WNT5A: variants seen among roughly 807,000 people sequenced by gnomAD.
WNT5A encodes Wnt family member 5A.
In WNT5A, 9 loss-of-function variants were observed where a neutral mutation model predicts 42.1. The ratio of observed to expected loss-of-function variants is 0.21; its 90% confidence interval spans 0.13 to 0.37. WNT5A has a LOEUF of 0.37. Ranked by LOEUF, WNT5A falls within the 10% of genes least tolerant of loss-of-function variation. The pLI, the probability that WNT5A is intolerant of heterozygous loss-of-function variation, is 1.00. For synonymous variants in WNT5A, 210 were observed against 210.0 expected (o/e 1.00, Z 0.00); for missense variants, 426 against 534.0 (o/e 0.80, Z 1.99).
chr3:55,480,725 A>G (rs2051442310), intron 2 of WNT5A, 60 bp downstream of exon 2: 2 of 1,471,530 alleles, frequency 1.4e-6, no homozygotes, highest in Non-Finnish European at 1.8e-6. Flanking sequence ...GCCGCATCAT[A>G]CAAACAAATC....
chr3:55,483,714 C>T lies in WNT5A; in HGVS notation c.7-2796G>A, dbSNP rs552045690. The stretch of plus-strand genomic sequence containing the variant: ...GAGGTGGAGGAGGGCGTTCCCGCGT[C>T]CTCCTCTTCAATCCAGAGCAGCTCA... On this transcript the variant is annotated intron_variant, in intron 1 of 4. Coordinates refer to ENST00000264634, the MANE Select transcript of WNT5A (RefSeq NM_003392.7). The surrounding 1 kb of genome is among the most constrained non-coding windows in gnomAD (Gnocchi z 4.2). 4.9e-4 allele frequency among the ~76,000 whole-genome samples: 75 copies of T among 152,246 alleles called. No individual in the cohort carries two copies. Among genetic ancestry groups the T allele is most frequent in the Non-Finnish European group, 9.3e-4 (63 of 68,020 alleles).
At chr3:55,481,119 T>G (rs2051452411) in intron 1 of WNT5A, 1 of 693,702 alleles carries the variant, frequency 1.4e-6, no homozygotes, top group Non-Finnish European at 2.0e-6. Flanking sequence ...CCAGGAAATC[T>G]GATTTCGCTG....
intron 1 of WNT5A, among the ~76,000 whole-genome samples, chr3:55,485,366 G>C (rs929543664): frequency 6.6e-6 from 1 of 151,880 alleles, no homozygotes; most frequent in Non-Finnish European, 1.5e-5. Context: ...GCGCACGGGG[G>C]AGGGGAGGAG....
Position 55,474,548 on chromosome 3 carries a change from TCGCCCTCGCGGCA to T in WNT5A, c.460_472del (p.Cys154SerfsTer61). 1 of 1,537,514 alleles carries T rather than the reference TCGCCCTCGCGGCA, an allele frequency of 6.5e-7. No individual in the cohort carries two copies. Among genetic ancestry groups the T allele is most frequent in the Non-Finnish European group, 8.7e-7 (1 of 1,144,992 alleles). ...GCGGCTGCAGCCGCAGGTGGACAGC[TCGCCCTCGCGGCA>T]CGCCCGGCTCATGGCGTTCACCACC... On this transcript the variant is annotated frameshift_variant, in exon 4 of 5. Coordinates refer to ENST00000264634, the MANE Select transcript of WNT5A (RefSeq NM_003392.7). LOFTEE classifies it high-confidence loss of function.
rs1175507311 is a variant in WNT5A, at chr3:55,474,648, G to T, written c.392-19C>A. The T allele has an allele frequency of 3.1e-6, 4 of 1,287,726 alleles. No homozygotes were observed. The highest frequency in any genetic ancestry group is 3.9e-6 in the Non-Finnish European group (4 of 1,015,298). 79.8% of individuals were successfully genotyped at this position (1,287,726 alleles called of 1,614,324 possible). On this transcript the variant is annotated intron_variant, in intron 3 of 4. Coordinates refer to ENST00000264634, the MANE Select transcript of WNT5A (RefSeq NM_003392.7). ...CGGCTGCCTGTGGGTGAGGACAAGGGATCACTGGCCGCCTGCCTCACGCGC... is the reference window on the plus strand; with the variant it reads ...CGGCTGCCTGTGGGTGAGGACAAGGTATCACTGGCCGCCTGCCTCACGCGC...
upstream of WNT5A, among the ~76,000 whole-genome samples, chr3:55,493,614 G>A (rs116446509): frequency 0.029 from 4,420 of 152,260 alleles, 84 homozygotes; most frequent in Middle Eastern, 0.061. Context: ...AACCCCTACT[G>A]ACTCACACAG....
the WNT5A span, chr3:55,505,109 A>C: frequency 1.3e-5 from 2 of 152,246 alleles, no homozygotes; most frequent in Non-Finnish European, 2.9e-5. Context: ...GCTGCTATAA[A>C]GAACTGCCCA....
At chr3:55,499,121 A>G in the WNT5A span, among the ~76,000 whole-genome samples, 1 of 152,238 alleles carries the variant, frequency 6.6e-6, no homozygotes, top group Non-Finnish European at 1.5e-5. Flanking sequence ...ATGTTTAAGT[A>G]AAAAAGGCAA....
chr3:55,480,600 C>T (rs975672101), intron 2 of WNT5A, among the ~76,000 whole-genome samples, 185 bp downstream of exon 2: 1 of 152,102 alleles, frequency 6.6e-6, no homozygotes, highest in African/African-American at 2.4e-5. Flanking sequence ...TGAAGATAAG[C>T]TTTACAATAT....
At chr3:55,494,588 G>C (rs1432348370), upstream of WNT5A, among the ~76,000 whole-genome samples, 1 of 152,038 alleles carries the variant, frequency 6.6e-6, no homozygotes, top group African/African-American at 2.4e-5. Flanking sequence ...TCCCAGGCTG[G>C]AGTGCAGTGG....
Position 55,468,138 on chromosome 3 carries a change from T to TAAAAAAAA in WNT5A, c.*1946_*1953dup. The TAAAAAAAA allele has an allele frequency of 7.5e-6, 1 of 133,990 alleles. No homozygotes were observed. Among genetic ancestry groups the TAAAAAAAA allele is most frequent in the African/African-American group, 2.7e-5 (1 of 36,774 alleles). 8.3% of individuals were successfully genotyped at this position (133,990 alleles called of 1,614,324 possible). A position where few individuals can be genotyped will look rare whatever the true frequency, so the allele number is the denominator to read the frequency against. ...ACTGTTTGGAAAGAGGTGTCCTTAT[T>TAAAAAAAA]AAAAAAAAAAAAAAAAAAGCTATCT... On this transcript the variant is annotated 3_prime_UTR_variant, in exon 5 of 5. Transcript: ENST00000264634.
chr3:55,481,327 C>A, intron 1 of WNT5A: 1 of 988,036 alleles, frequency 1.0e-6, no homozygotes, highest in Non-Finnish European at 1.2e-6. Context: ...GTCCTCTCCC[C>A]AACCTGGGCC....
At chr3:55,491,837 T>G (rs2051662712), upstream of WNT5A, among the ~76,000 whole-genome samples, 1 of 152,006 alleles carries the variant, frequency 6.6e-6, no homozygotes, top group African/African-American at 2.4e-5. Context: ...CACCTCAGAG[T>G]CAAGACCAGC....
chr3:55,470,590 A>T, intron 4 of WNT5A, 40 bp from the exon 5 acceptor site: 1 of 1,460,750 alleles, frequency 6.8e-7, no homozygotes. Flanking sequence ...ACATTCATGG[A>T]GGAGCCAGAT....
the WNT5A span, among the ~76,000 whole-genome samples, chr3:55,497,727 G>C: frequency 6.6e-6 from 1 of 152,136 alleles, no homozygotes; most frequent in Non-Finnish European, 1.5e-5. Flanking sequence ...CACATAGGCA[G>C]AATTTAAATG....
chr3:55,493,382 C>T (rs1349269047), upstream of WNT5A, among the ~76,000 whole-genome samples: 1 of 152,228 alleles, frequency 6.6e-6, no homozygotes, highest in Non-Finnish European at 1.5e-5. Context: ...GTCACCCTCA[C>T]TCCCTTGAAG....
At chr3:55,500,207 C>A in the WNT5A span, among the ~76,000 whole-genome samples, 1 of 152,050 alleles carries the variant, frequency 6.6e-6, no homozygotes, top group African/African-American at 2.4e-5. Flanking sequence ...TCATAGCTAC[C>A]CTGCAGGATT....
rs771112286 is a variant in WNT5A, at chr3:55,468,082, G to GT, written c.*2009dup. 98 of 147,758 alleles carry GT rather than the reference G, an allele frequency of 6.6e-4. No individual in the cohort carries two copies. The highest frequency in any genetic ancestry group is 1.2e-3 in the Non-Finnish European group (80 of 67,312). 9.2% of individuals were successfully genotyped at this position (147,758 alleles called of 1,614,324 possible). ...TATCTTTCCAAACTTTTAAAACAAC[G>GT]TAAGTCTGAGATAAGAACATATTTG... On this transcript the variant is annotated 3_prime_UTR_variant, in exon 5 of 5. Transcript: ENST00000264634.
upstream of WNT5A, chr3:55,487,506 A>T (rs976833754): frequency 6.5e-6 from 1 of 153,532 alleles, no homozygotes; most frequent in African/African-American, 2.4e-5. Context: ...CTGTGCGCCC[A>T]GGTGCCCCCA....
Sources: gnomAD v4.1 joint callset for allele counts (sites outside exome capture counted in the v4.1 genomes callset) on GRCh38, gnomAD v4.1.1 for gene constraint, Gnocchi (gnomAD v3.1) non-coding constraint, MANE v1.5 for transcripts, NCBI Gene and HGNC (gene_info 2026-07-23, HGNC 2026-07-21) for gene names.